Variants in KLF12 observed in about 807,000 individuals in gnomAD.
KLF12 encodes Krueppel-like factor 12.
In KLF12, 9 loss-of-function variants were observed where a neutral mutation model predicts 37.8. The observed-to-expected ratio is 0.24, with a 90% CI of 0.14 to 0.42. The LOEUF is 0.42. Ranked by LOEUF, KLF12 falls within the 10% of genes least tolerant of loss-of-function variation. KLF12 has a pLI of 1.00. For missense variants in KLF12, 411 were observed against 516.0 expected, an observed-to-expected ratio of 0.80 and a Z score of 1.97; for synonymous variants, 208 against 202.1, an observed-to-expected ratio of 1.03 and a Z score of -0.25.
chr13:74,038,272 A>G (rs1019691358), intron 1 of KLF12, among the ~76,000 whole-genome samples: 1 of 152,168 alleles, frequency 6.6e-6, no homozygotes, highest in East Asian at 1.9e-4. Flanking sequence ...AACTATTCAA[A>G]ATAATTTTTT....
chr13:73,867,429 T>TAC (rs1491385141), intron 3 of KLF12, among the ~76,000 whole-genome samples: 3 of 151,134 alleles, frequency 2.0e-5, no homozygotes, highest in East Asian at 1.9e-4. Context: ...TATATATATA[T>TAC]ACACACATAC....
chr13:73,995,700 T>C (rs981081037), intron 1 of KLF12, among the ~76,000 whole-genome samples: 1 of 152,180 alleles, frequency 6.6e-6, no homozygotes, highest in Admixed American at 6.5e-5. Context: ...GTCCAAAATC[T>C]CCAGGACCAT....
intron 3 of KLF12, among the ~76,000 whole-genome samples, chr13:73,870,125 T>C (rs1321349521): frequency 6.6e-6 from 1 of 152,216 alleles, no homozygotes; most frequent in African/African-American, 2.4e-5. Context: ...TTCTTACTTT[T>C]ACAAGCTCCA....
chr13:73,897,508 C>T lies in KLF12; in HGVS notation c.123+46473G>A, dbSNP rs530825503. Among the ~76,000 whole-genome samples the T allele has an allele frequency of 3.9e-5, 6 of 152,220 alleles. No homozygotes were observed. In the South Asian group the frequency reaches 1.2e-3, roughly 32 times the overall value. ...CTCTCTATTCCAGTATAGACCAATA[C>T]CAAACGACGTGGCATTCCAGAACAG... is the stretch of plus-strand genomic sequence containing the variant. On this transcript the variant is annotated intron_variant, in intron 3 of 7. Coordinates refer to ENST00000377669, the MANE Select transcript of KLF12 (RefSeq NM_007249.5).
At chr13:73,843,587 A>G (rs1884860576) in intron 4 of KLF12, among the ~76,000 whole-genome samples, 1 of 152,160 alleles carries the variant, frequency 6.6e-6, no homozygotes, top group African/African-American at 2.4e-5. Flanking sequence ...GATTACAGGC[A>G]TGAGTCATCA....
intron 3 of KLF12, among the ~76,000 whole-genome samples, chr13:73,926,044 C>A (rs1221004401): frequency 6.6e-6 from 1 of 152,064 alleles, no homozygotes; most frequent in South Asian, 2.1e-4. Context: ...AAGATGCTGT[C>A]GACATTGTTG....
At chr13:73,854,760 C>T (rs536613329) in intron 3 of KLF12, among the ~76,000 whole-genome samples, 1 of 152,284 alleles carries the variant, frequency 6.6e-6, no homozygotes, top group East Asian at 1.9e-4. Flanking sequence ...TCACTTATAA[C>T]ATCTAACACA....
At chr13:73,708,836 G>A (rs143842704) in intron 7 of KLF12, among the ~76,000 whole-genome samples, 3 of 152,242 alleles carry the variant, frequency 2.0e-5, no homozygotes, top group African/African-American at 7.2e-5. Flanking sequence ...AAATGGCAAT[G>A]CATACTCATT....
intron 6 of KLF12, among the ~76,000 whole-genome samples, chr13:73,759,479 T>C (rs955406540): frequency 4.6e-5 from 7 of 152,272 alleles, no homozygotes; most frequent in African/African-American, 1.7e-4. Context: ...AGGAGCAACG[T>C]CTTCATTAAG....
the KLF12 span, among the ~76,000 whole-genome samples, chr13:74,152,645 G>A: frequency 2.0e-5 from 3 of 152,092 alleles, no homozygotes; most frequent in Non-Finnish European, 4.4e-5. Context: ...CATTTTAGGA[G>A]GCTGAGGTGG....
the KLF12 span, among the ~76,000 whole-genome samples, chr13:74,246,292 A>G: frequency 8.5e-5 from 13 of 152,240 alleles, no homozygotes; most frequent in African/African-American, 3.1e-4. Flanking sequence ...GGAATAGCAC[A>G]TTCTTGTACT....
intron 2 of KLF12, among the ~76,000 whole-genome samples, chr13:73,964,621 A>AAAC (rs1303121392): frequency 6.6e-6 from 1 of 151,562 alleles, no homozygotes; most frequent in Non-Finnish European, 1.5e-5. Flanking sequence ...AAAAAAAAAA[A>AAAC]AAATCTAAGG....
At chr13:74,296,351 T>G in the KLF12 span, among the ~76,000 whole-genome samples, 1 of 152,272 alleles carries the variant, frequency 6.6e-6, no homozygotes, top group East Asian at 1.9e-4. Flanking sequence ...CTCCAAGGTT[T>G]ATCTTCTATG....
At chr13:74,158,209 G>C in the KLF12 span, among the ~76,000 whole-genome samples, 2 of 152,224 alleles carry the variant, frequency 1.3e-5, no homozygotes, top group African/African-American at 4.8e-5. Context: ...AGCGACCTGT[G>C]AAGGCTGCGT....
intron 3 of KLF12, among the ~76,000 whole-genome samples, chr13:73,861,236 T>C (rs1026305875): frequency 3.3e-5 from 5 of 152,176 alleles, no homozygotes; most frequent in Non-Finnish European, 7.3e-5. Context: ...GATAAATGCA[T>C]GTACCCCATT....
At chr13:73,906,415 T>C (rs117068264) in intron 3 of KLF12, among the ~76,000 whole-genome samples, 6,052 of 152,270 alleles carry the variant, frequency 0.04, 181 homozygotes, top group Non-Finnish European at 0.06. Flanking sequence ...TATTTTCCAG[T>C]TTACTAATTC....
At chr13:74,263,980 G>A in the KLF12 span, among the ~76,000 whole-genome samples, 2 of 152,092 alleles carry the variant, frequency 1.3e-5, no homozygotes, top group Non-Finnish European at 2.9e-5. Flanking sequence ...TTGGTTCCAG[G>A]AGCAGATTAT....
At chr13:74,100,864 G>C (rs1282061070) in intron 1 of KLF12, among the ~76,000 whole-genome samples, 1 of 152,100 alleles carries the variant, frequency 6.6e-6, no homozygotes, top group African/African-American at 2.4e-5. Context: ...ACCTTCCCTT[G>C]TTTTTCAACC....
intron 4 of KLF12, among the ~76,000 whole-genome samples, chr13:73,843,016 T>C (rs1219751061): frequency 6.6e-6 from 1 of 152,202 alleles, no homozygotes; most frequent in Non-Finnish European, 1.5e-5. Flanking sequence ...AAAAACTTAG[T>C]ATAAACTAAT....
Sources: allele counts gnomAD v4.1 joint callset (sites outside exome capture counted in the v4.1 genomes callset), GRCh38; gene constraint gnomAD v4.1.1; transcripts MANE v1.5; gene names NCBI Gene and HGNC (gene_info 2026-07-23, HGNC 2026-07-21).